Variants in SAMD4A observed in about 807,000 individuals in gnomAD.
The protein encoded by SAMD4A is protein Smaug homolog 1.
SAMD4A carries 33 observed loss-of-function variants against 81.3 expected under a neutral mutation model. The ratio of observed to expected loss-of-function variants is 0.41; its 90% confidence interval spans 0.31 to 0.54. The LOEUF (loss-of-function observed/expected upper bound fraction) is 0.54, where lower values mean the gene tolerates loss of function less well. Among genes scored for constraint, SAMD4A ranks in the 20% least tolerant of loss-of-function variants. SAMD4A has a pLI of 0.37. For missense variants in SAMD4A, 854 were observed against 951.1 expected, an observed-to-expected ratio of 0.90 and a Z score of 1.34; for synonymous variants, 389 against 382.1, an observed-to-expected ratio of 1.02 and a Z score of -0.21.
intron 2 of SAMD4A, among the ~76,000 whole-genome samples, chr14:54,578,379 A>G (rs1003433117): frequency 1.3e-5 from 2 of 152,188 alleles, no homozygotes; most frequent in Non-Finnish European, 2.9e-5. Flanking sequence ...AGACAAGATG[A>G]GTAAATGAAT....
At chr14:54,582,080 A>G (rs1283680534) in intron 2 of SAMD4A, among the ~76,000 whole-genome samples, 1 of 152,192 alleles carries the variant, frequency 6.6e-6, no homozygotes, top group African/African-American at 2.4e-5. Context: ...AGATGATCTG[A>G]GCACAGTTAA....
chr14:54,763,013 C>T (rs2038444055), intron 7 of SAMD4A, among the ~76,000 whole-genome samples: 2 of 151,902 alleles, frequency 1.3e-5, no homozygotes, highest in Admixed American at 1.3e-4. Flanking sequence ...CGCCACCACG[C>T]CTGGCTAATT....
intron 11 of SAMD4A, among the ~76,000 whole-genome samples, chr14:54,781,859 C>T (rs1056521786): frequency 5.9e-5 from 9 of 152,352 alleles, no homozygotes; most frequent in African/African-American, 2.2e-4. Context: ...GTCTTTCTGT[C>T]TTATACGTGC....
At chr14:54,688,505 T>A (rs1450500933) in intron 2 of SAMD4A, among the ~76,000 whole-genome samples, 2 of 152,186 alleles carry the variant, frequency 1.3e-5, no homozygotes, top group Non-Finnish European at 2.9e-5. Flanking sequence ...TTGTTTATTC[T>A]TATGGCACTC....
At chr14:54,725,146 G>A (rs530326976) in intron 3 of SAMD4A, among the ~76,000 whole-genome samples, 4 of 152,156 alleles carry the variant, frequency 2.6e-5, no homozygotes, top group Admixed American at 6.5e-5. Flanking sequence ...ACCCAGACAC[G>A]TAATAGGTTC....
At chr14:54,783,597 C>T (rs2039057866) in intron 11 of SAMD4A, among the ~76,000 whole-genome samples, 1 of 152,216 alleles carries the variant, frequency 6.6e-6, no homozygotes, top group African/African-American at 2.4e-5. Context: ...ATTCTAGAGG[C>T]CCTCGAGGCT....
intron 3 of SAMD4A, among the ~76,000 whole-genome samples, chr14:54,734,461 G>T (rs2037639887): frequency 6.6e-6 from 1 of 152,178 alleles, no homozygotes; most frequent in African/African-American, 2.4e-5. Context: ...AAAAGACCCT[G>T]GCACCTCAGG....
intron 2 of SAMD4A, among the ~76,000 whole-genome samples, chr14:54,617,675 T>C (rs1224445763): frequency 6.6e-6 from 1 of 152,234 alleles, no homozygotes; most frequent in Non-Finnish European, 1.5e-5. Context: ...TCTTCCTCCA[T>C]TGGAGTTCTC....
intron 2 of SAMD4A, among the ~76,000 whole-genome samples, chr14:54,679,131 T>G (rs531160171): frequency 2.6e-5 from 4 of 152,326 alleles, no homozygotes; most frequent in East Asian, 1.9e-4. Context: ...ATAAGCTGGG[T>G]TTTTTTCTAT....
chr14:54,646,099 A>T (rs141053531), intron 2 of SAMD4A, among the ~76,000 whole-genome samples: 1,741 of 152,312 alleles, frequency 0.011, 21 homozygotes, highest in Middle Eastern at 0.02. Context: ...TTTGTGATCG[A>T]CAAAATGAAT....
intron 12 of SAMD4A, among the ~76,000 whole-genome samples, chr14:54,785,786 G>C (rs908855486): frequency 6.6e-6 from 1 of 152,192 alleles, no homozygotes; most frequent in Non-Finnish European, 1.5e-5. Context: ...GCATGGAGCA[G>C]AGTGGTGGGC....
At chr14:54,587,886 G>T (rs1277987165) in intron 2 of SAMD4A, among the ~76,000 whole-genome samples, 1 of 152,094 alleles carries the variant, frequency 6.6e-6, no homozygotes. Context: ...TAGTATTAGG[G>T]TGATACTGGC....
chr14:54,571,794 A>G (rs112954796), intron 2 of SAMD4A, among the ~76,000 whole-genome samples: 1,637 of 152,288 alleles, frequency 0.011, 32 homozygotes, highest in African/African-American at 0.038. Context: ...TTGATAATCC[A>G]TAGTGTATTG....
At chr14:54,579,818 A>G (rs1007439797) in intron 2 of SAMD4A, among the ~76,000 whole-genome samples, 3 of 152,220 alleles carry the variant, frequency 2.0e-5, no homozygotes, top group African/African-American at 7.2e-5. Flanking sequence ...GGAATGTGTT[A>G]CATAATTGCT....
intron 2 of SAMD4A, among the ~76,000 whole-genome samples, chr14:54,668,048 T>A (rs2035793463): frequency 6.6e-6 from 1 of 152,226 alleles, no homozygotes; most frequent in African/African-American, 2.4e-5. Context: ...ACTGCCGTTC[T>A]GATCGGATTT....
intron 9 of SAMD4A, among the ~76,000 whole-genome samples, chr14:54,772,976 GA>G (rs1486303996): frequency 2.0e-5 from 3 of 152,106 alleles, no homozygotes; most frequent in African/African-American, 7.2e-5. Flanking sequence ...TCGTAAAAAT[GA>G]AAACGAAATT....
intron 2 of SAMD4A, chr14:54,689,902 C>T (rs2036388570): frequency 6.6e-6 from 1 of 152,322 alleles, no homozygotes; most frequent in Admixed American, 6.5e-5. Flanking sequence ...GGCCAGCCCT[C>T]CCCTTCTGCT....
chr14:54,718,996 C>G (rs2037192711), intron 3 of SAMD4A, among the ~76,000 whole-genome samples: 1 of 149,458 alleles, frequency 6.7e-6, no homozygotes, highest in Non-Finnish European at 1.5e-5. Context: ...GAGCGAAACT[C>G]CATCTCAAAA....
rs145811247 is a variant in SAMD4A, at chr14:54,571,517, T to C, written c.196+3405T>C. On this transcript the variant is annotated intron_variant, in intron 2 of 12. Transcript: ENST00000554335. ...TAGACTTTGTGGCATTGTTTATTTA[T>C]GGCTTTTGTCACTTGGACTTGAAAT... 8.3e-4 allele frequency among the ~76,000 whole-genome samples: 127 copies of C among 152,358 alleles called. 3 individuals carry two copies. The South Asian group carries it at 0.02, about 24-fold the overall frequency.
Sources: allele counts gnomAD v4.1 joint callset (sites outside exome capture counted in the v4.1 genomes callset), GRCh38; gene constraint gnomAD v4.1.1; transcripts MANE v1.5; gene names NCBI Gene and HGNC (gene_info 2026-07-23, HGNC 2026-07-21).